The following SIK3 variants were observed in gnomAD, a reference collection of about 807,000 sequenced individuals.
The protein encoded by SIK3 is serine/threonine-protein kinase SIK3.
In SIK3, 28 loss-of-function variants were observed where a neutral mutation model predicts 144.2. The observed-to-expected ratio is 0.19, with a 90% CI of 0.14 to 0.27. The LOEUF (loss-of-function observed/expected upper bound fraction) is 0.27. Among genes scored for constraint, SIK3 ranks in the 10% least tolerant of loss-of-function variants. The pLI, the probability that SIK3 is intolerant of heterozygous loss-of-function variation, is 1.00. For synonymous variants in SIK3, 686 were observed against 676.3 expected (o/e 1.01, Z -0.22); for missense variants, 1,319 against 1,776.0 (o/e 0.74, Z 4.62).
intron 4 of SIK3, 43 bp from the exon 5 acceptor site, chr11:116,897,360 T>A (rs775812102): frequency 6.4e-7 from 1 of 1,571,878 alleles, no homozygotes; most frequent in Non-Finnish European, 8.7e-7. Flanking sequence ...TGTAACCTTT[T>A]ATTATAACTG....
intron 1 of SIK3, among the ~76,000 whole-genome samples, chr11:117,073,220 A>G (rs1265551056): frequency 2.0e-5 from 3 of 152,180 alleles, no homozygotes; most frequent in Non-Finnish European, 2.9e-5. Flanking sequence ...TTATATACAC[A>G]TTCATCATGA....
chr11:116,869,154 C>G (rs1453541497), intron 14 of SIK3: 1 of 152,086 alleles, frequency 6.6e-6, no homozygotes, highest in Non-Finnish European at 1.5e-5. Flanking sequence ...ACCCTCTTAT[C>G]AGCAAACTAT....
At chr11:117,074,433 C>T (rs1380027024) in intron 1 of SIK3, among the ~76,000 whole-genome samples, 1 of 152,112 alleles carries the variant, frequency 6.6e-6, no homozygotes, top group South Asian at 2.1e-4. Flanking sequence ...ACTTCTGCCA[C>T]TTTACTAGTT....
At chr11:117,068,695 A>G (rs1954127698) in intron 1 of SIK3, among the ~76,000 whole-genome samples, 1 of 152,234 alleles carries the variant, frequency 6.6e-6, no homozygotes, top group Non-Finnish European at 1.5e-5. Flanking sequence ...TTGAGGCCAC[A>G]GTGAGCCATA....
At chr11:117,084,767 G>A (rs1228275381) in intron 1 of SIK3, among the ~76,000 whole-genome samples, 2 of 152,108 alleles carry the variant, frequency 1.3e-5, no homozygotes, top group African/African-American at 2.4e-5. Context: ...AATGAGATGA[G>A]TATAAAAGAC....
At chr11:117,026,079 GTAGA>G (rs1409932250) in intron 1 of SIK3, among the ~76,000 whole-genome samples, 1 of 152,198 alleles carries the variant, frequency 6.6e-6, no homozygotes, top group African/African-American at 2.4e-5. Flanking sequence ...AGGGGGAAAT[GTAGA>G]TAAAGGATAT....
At chr11:116,958,966 A>T (rs1949244135) in intron 1 of SIK3, among the ~76,000 whole-genome samples, 1 of 152,244 alleles carries the variant, frequency 6.6e-6, no homozygotes, top group Non-Finnish European at 1.5e-5. Flanking sequence ...ATTATTAATA[A>T]AATCTTACAT....
At chr11:117,003,953 G>GC (rs1334519233) in intron 1 of SIK3, among the ~76,000 whole-genome samples, 7 of 152,162 alleles carry the variant, frequency 4.6e-5, no homozygotes, top group Admixed American at 3.3e-4. Context: ...TGCTACTGCT[G>GC]CCTTCGTCTG....
At chr11:117,094,722 A>T (rs1430080884) in intron 1 of SIK3, among the ~76,000 whole-genome samples, 1 of 152,164 alleles carries the variant, frequency 6.6e-6, no homozygotes, top group East Asian at 1.9e-4. Flanking sequence ...GCAATTTGAG[A>T]GCAGAAAACA....
At chr11:116,921,470 T>C (rs2135071891) in intron 4 of SIK3, among the ~76,000 whole-genome samples, 1 of 152,312 alleles carries the variant, frequency 6.6e-6, no homozygotes, top group South Asian at 2.1e-4. Context: ...GATTCTAGAT[T>C]ACCTCCACAA....
intron 1 of SIK3, among the ~76,000 whole-genome samples, chr11:117,095,817 T>C (rs1400901321): frequency 6.6e-6 from 1 of 152,212 alleles, no homozygotes; most frequent in Non-Finnish European, 1.5e-5. Flanking sequence ...AATTGCACAC[T>C]GCTACAGAAA....
At chr11:116,876,687 CA>C (rs1282872828) in intron 7 of SIK3, among the ~76,000 whole-genome samples, 1 of 152,226 alleles carries the variant, frequency 6.6e-6, no homozygotes, top group Non-Finnish European at 1.5e-5. Context: ...TGTGCTATCT[CA>C]AAAGCCAAAA....
chr11:116,947,237 T>TA (rs1948689884), intron 3 of SIK3, among the ~76,000 whole-genome samples: 2 of 80,392 alleles, frequency 2.5e-5, no homozygotes, highest in Admixed American at 1.4e-4. Context: ...ATTTATATAT[T>TA]TTATATATAA....
At chr11:116,921,515 A>G (rs1171740866) in intron 4 of SIK3, among the ~76,000 whole-genome samples, 12 of 152,148 alleles carry the variant, frequency 7.9e-5, no homozygotes, top group Admixed American at 7.9e-4. Context: ...TGCCTTTAGA[A>G]ATAAAATTCT....
rs1365189658 is a variant in SIK3 at position 116,858,349 on chromosome 11, T to C, written c.3116A>G (p.Glu1039Gly). The C allele has an allele frequency of 6.2e-7, 1 of 1,613,766 alleles. No individual in the cohort carries two copies. Among genetic ancestry groups the C allele is most frequent in the Non-Finnish European group, 8.5e-7 (1 of 1,179,860 alleles). ...GHSDIRLPPT[E>G]FAQLIKRQQQ... Reference sequence around the variant, plus strand: ...CTGCCTTTTAATGAGCTGTGCAAACTCTGTTGGGGGCAGCCGGATGTCCGA... The same window carrying C: ...CTGCCTTTTAATGAGCTGTGCAAACCCTGTTGGGGGCAGCCGGATGTCCGA... The change falls in exon 21 of 25, where the codon GAG becomes GGG. Residue 1039 changes from glutamate (E) to glycine (G), a missense_variant. Glu to Gly is a moderately conservative substitution (Grantham distance 98). This residue lies in a region of SIK3 where 646 missense variants were observed against 763.7 expected (regional missense o/e 0.85). Coordinates refer to ENST00000445177, the MANE Select transcript of SIK3 (RefSeq NM_001366686.3). This position sits in a 1 kb window ranked among gnomAD's most constrained non-coding sequence, Gnocchi z 5.4.
intron 1 of SIK3, among the ~76,000 whole-genome samples, chr11:117,014,431 T>C (rs1445827859): frequency 2.6e-5 from 4 of 152,252 alleles, no homozygotes; most frequent in African/African-American, 9.6e-5. Context: ...CTTTATGTCA[T>C]AACTCACAGA....
chr11:116,855,507 T>G (rs1340390563), intron 21 of SIK3: 8 of 152,258 alleles, frequency 5.3e-5, no homozygotes, highest in Non-Finnish European at 1.0e-4. Context: ...CTCCAGACTT[T>G]CTACACACAC....
intron 21 of SIK3, among the ~76,000 whole-genome samples, chr11:116,853,664 CTG>C (rs1263315000): frequency 2.0e-5 from 3 of 152,246 alleles, no homozygotes; most frequent in African/African-American, 7.2e-5. Flanking sequence ...CCCTCCCACT[CTG>C]TCAGCATTTT....
At chr11:116,934,758 AC>A (rs1248318534) in intron 3 of SIK3, among the ~76,000 whole-genome samples, 5 of 151,734 alleles carry the variant, frequency 3.3e-5, no homozygotes, top group Non-Finnish European at 7.4e-5. Flanking sequence ...GCAAAGCAAG[AC>A]CCCATTGCTA....
Sources: allele counts gnomAD v4.1 joint callset (sites outside exome capture counted in the v4.1 genomes callset), GRCh38; gene constraint gnomAD v4.1.1; regional missense constraint gnomAD v4.1.1; non-coding constraint Gnocchi (gnomAD v3.1); transcripts MANE v1.5; gene names NCBI Gene and HGNC (gene_info 2026-07-23, HGNC 2026-07-21).